CLNK: variants seen among roughly 807,000 people sequenced by gnomAD.
The protein encoded by CLNK is cytokine dependent hematopoietic cell linker.
A neutral mutation model predicts 68.6 loss-of-function variants in CLNK; 74 were observed. That is an observed-to-expected ratio of 1.08 (90% CI 0.89 to 1.31). CLNK has a LOEUF of 1.31. Ranked by LOEUF, CLNK falls within the 50% of genes most tolerant of loss-of-function variation. CLNK has a pLI of 0.00. For missense variants in CLNK, 553 were observed against 515.3 expected (o/e 1.07, Z -0.71); for synonymous variants, 198 against 172.2 (o/e 1.15, Z -1.17).
At chr4:10,674,789 T>C (rs978576051) in intron 1 of CLNK, among the ~76,000 whole-genome samples, 5 of 152,208 alleles carry the variant, frequency 3.3e-5, no homozygotes, top group Non-Finnish European at 5.9e-5. Flanking sequence ...GGTTTGAAAA[T>C]GCTTTGTAAA....
At chr4:10,668,651 A>C (rs771022368) in intron 1 of CLNK, among the ~76,000 whole-genome samples, 1 of 152,192 alleles carries the variant, frequency 6.6e-6, no homozygotes, top group Admixed American at 6.5e-5. Flanking sequence ...GAGTGGTAAC[A>C]AAAGGGCGCT....
rs1478190473 is a variant in CLNK, at chr4:10,517,997, A to T, written c.772+2794T>A. ...TTGTTTTAAAATAATCAAAGCAGTTAATCTTTGGAATTTTTTTTTTTTTCT... is the reference window on the plus strand; with the variant it reads ...TTGTTTTAAAATAATCAAAGCAGTTTATCTTTGGAATTTTTTTTTTTTTCT... On this transcript the variant is annotated intron_variant, in intron 15 of 18. Transcript: ENST00000226951. Among the ~76,000 whole-genome samples, 5 of 65,042 alleles carry T rather than the reference A, an allele frequency of 7.7e-5. No homozygotes were observed. In the East Asian group the frequency reaches 2.2e-3, roughly 29 times the overall value. 42.7% of individuals were successfully genotyped at this position (65,042 alleles called of 152,430 possible). A position where few individuals can be genotyped will look rare whatever the true frequency, so the allele number is the denominator to read the frequency against.
chr4:10,670,219 A>G (rs1724574726), intron 1 of CLNK, among the ~76,000 whole-genome samples: 1 of 152,246 alleles, frequency 6.6e-6, no homozygotes, highest in African/African-American at 2.4e-5. Flanking sequence ...TTGCTTTAGC[A>G]TCAGTCATGT....
chr4:10,668,993 A>G (rs995817473), intron 1 of CLNK, among the ~76,000 whole-genome samples: 2 of 152,170 alleles, frequency 1.3e-5, no homozygotes, highest in Admixed American at 1.3e-4. Flanking sequence ...ACCCAGGAAG[A>G]TTTAATTATG....
chr4:10,510,763 A>G (rs1393389706), intron 16 of CLNK, among the ~76,000 whole-genome samples: 2 of 152,214 alleles, frequency 1.3e-5, no homozygotes, highest in Non-Finnish European at 1.5e-5. Flanking sequence ...TCTATCTATC[A>G]GTGATATTCC....
intron 2 of CLNK, among the ~76,000 whole-genome samples, chr4:10,659,145 G>A (rs1314609523): frequency 6.6e-6 from 1 of 152,182 alleles, no homozygotes; most frequent in East Asian, 1.9e-4. Flanking sequence ...AGGTTGCAAT[G>A]AGCTGAGATC....
intron 4 of CLNK, among the ~76,000 whole-genome samples, chr4:10,581,330 C>G (rs1445230357): frequency 6.6e-6 from 1 of 152,002 alleles, no homozygotes; most frequent in East Asian, 1.9e-4. Flanking sequence ...TGTGTATATT[C>G]ATATACATAT....
At chr4:10,648,234 A>C (rs528423962) in intron 2 of CLNK, among the ~76,000 whole-genome samples, 1 of 152,320 alleles carries the variant, frequency 6.6e-6, no homozygotes, top group Admixed American at 6.5e-5. Context: ...CTCAAGTGGC[A>C]TCAGGGGACC....
intron 2 of CLNK, among the ~76,000 whole-genome samples, chr4:10,667,576 G>C (rs756514474): frequency 2.0e-5 from 3 of 152,040 alleles, no homozygotes; most frequent in Admixed American, 6.5e-5. Flanking sequence ...GGTGGAAACT[G>C]TCTGGGTGCC....
chr4:10,515,488 G>T (rs1022224714), intron 15 of CLNK, among the ~76,000 whole-genome samples: 13 of 150,822 alleles, frequency 8.6e-5, no homozygotes, highest in Admixed American at 4.6e-4. Context: ...TTCAAAAAAT[G>T]AAACATCATC....
At chr4:10,495,417 G>C (rs1716762813) in intron 18 of CLNK, among the ~76,000 whole-genome samples, 1 of 152,316 alleles carries the variant, frequency 6.6e-6, no homozygotes, top group African/African-American at 2.4e-5. Context: ...GATCGGCACA[G>C]GTGCACAGGG....
chr4:10,508,120 C>T (rs1577094024), intron 16 of CLNK, 84 bp from the exon 17 acceptor site: 3 of 1,036,172 alleles, frequency 2.9e-6, no homozygotes, highest in South Asian at 3.0e-5. Flanking sequence ...TTTACTTTTG[C>T]TCCACCAGTG....
intron 8 of CLNK, among the ~76,000 whole-genome samples, chr4:10,546,782 GGAAACTAGGT>G (rs1577120737): frequency 1.3e-5 from 2 of 152,010 alleles, no homozygotes; most frequent in Non-Finnish European, 2.9e-5. Context: ...ACAGAATAAT[GGAAACTAGGT>G]GATGATTTAT....
At chr4:10,646,348 G>A (rs952444088) in intron 2 of CLNK, among the ~76,000 whole-genome samples, 3 of 152,128 alleles carry the variant, frequency 2.0e-5, no homozygotes, top group African/African-American at 7.2e-5. Context: ...AATTTTGTAA[G>A]GTTAAGGTTT....
At chr4:10,587,758 C>A (rs912245088) in intron 3 of CLNK, among the ~76,000 whole-genome samples, 2 of 152,160 alleles carry the variant, frequency 1.3e-5, no homozygotes, top group South Asian at 2.1e-4. Flanking sequence ...CTTGCCCAAT[C>A]CACAGAGCCT....
intron 2 of CLNK, among the ~76,000 whole-genome samples, chr4:10,630,273 C>G (rs1483108853): frequency 3.0e-4 from 45 of 152,180 alleles, no homozygotes; most frequent in Non-Finnish European, 1.0e-4. Flanking sequence ...TGATGATCGG[C>G]AAGTTACTAT....
Position 10,663,843 on chromosome 4 carries a change from C to T in CLNK, c.11+4016G>A, listed in dbSNP as rs570849929. Among the ~76,000 whole-genome samples, 13 of 152,206 alleles carry T rather than the reference C, an allele frequency of 8.5e-5. No individual in the cohort carries two copies. The South Asian group carries it at 1.2e-3, about 15-fold the overall frequency. ...GATTAGGCCAAGAGGGCAAAACTCC[C>T]GTGAAATGAGATTAGCACCCTTATA... On this transcript the variant is annotated intron_variant, in intron 2 of 18. Coordinates refer to ENST00000226951, the MANE Select transcript of CLNK (RefSeq NM_052964.4).
At chr4:10,684,490 G>A (rs73216739) in intron 1 of CLNK, among the ~76,000 whole-genome samples, 178 bp downstream of exon 1, 15,906 of 152,146 alleles carry the variant, frequency 0.1, 968 homozygotes, top group South Asian at 0.16. Flanking sequence ...AGAATGAAAG[G>A]ATCTTTAACA....
Position 10,614,431 on chromosome 4 carries a change from G to A in CLNK, c.12-16382C>T, listed in dbSNP as rs190101313. On this transcript the variant is annotated intron_variant, in intron 2 of 18. Coordinates refer to ENST00000226951, the MANE Select transcript of CLNK (RefSeq NM_052964.4). ...GTTGTTTCTCCAGGAACTCTCCTCC[G>A]CAGACTTAGGCTCTTCTAGAAGGTT... Among the ~76,000 whole-genome samples, 11 of 152,218 alleles carry A rather than the reference G, an allele frequency of 7.2e-5. No homozygotes were observed. The South Asian group carries it at 1.0e-3, about 14-fold the overall frequency.
Sources: gnomAD v4.1 joint callset for allele counts (sites outside exome capture counted in the v4.1 genomes callset) on GRCh38, gnomAD v4.1.1 for gene constraint, MANE v1.5 for transcripts, NCBI Gene and HGNC (gene_info 2026-07-23, HGNC 2026-07-21) for gene names.